CEP290: variants seen among roughly 807,000 people sequenced by gnomAD.
The protein encoded by CEP290 is centrosomal protein 290.
CEP290 carries 317 observed loss-of-function variants against 344.9 expected under a neutral mutation model. The ratio of observed to expected loss-of-function variants is 0.92; its 90% CI spans 0.84 to 1.01. CEP290 has a LOEUF of 1.01. CEP290 is among the 50% of genes least tolerant of loss of function. The probability of loss-of-function intolerance (pLI) is 0.00; values close to 1 mark genes in which losing one functional copy is unlikely to be tolerated. For missense variants in CEP290, 2,754 were observed against 2,761.4 expected (o/e 1.00, Z 0.06); for synonymous variants, 932 against 895.8 (o/e 1.04, Z -0.72).
At chr12:88,136,549 A>C (rs1051834862) in intron 6 of CEP290, 94 bp downstream of exon 6, 1 of 1,241,176 alleles carries the variant, frequency 8.1e-7, no homozygotes, top group East Asian at 2.3e-5. Context: ...TTTCAAATAT[A>C]ACATACAATA....
At chr12:88,054,911 G>A (rs988673649) in intron 50 of CEP290, among the ~76,000 whole-genome samples, 1 of 152,096 alleles carries the variant, frequency 6.6e-6, no homozygotes, top group Non-Finnish European at 1.5e-5. Flanking sequence ...AAGGAAACAA[G>A]TATAAGGACT....
chr12:88,071,218 C>A, intron 43 of CEP290, 76 bp downstream of exon 43: 1 of 1,163,940 alleles, frequency 8.6e-7, no homozygotes, highest in Non-Finnish European at 1.2e-6. Context: ...AGACAACACA[C>A]ATTTATTATT....
chr12:88,072,555 C>A (rs752909997), intron 41 of CEP290, among the ~76,000 whole-genome samples: 1 of 152,148 alleles, frequency 6.6e-6, no homozygotes, highest in Non-Finnish European at 1.5e-5. Flanking sequence ...CCTTCAGGAG[C>A]CTTTAAATGA....
chr12:88,055,471 G>C (rs2033922272), intron 50 of CEP290, 105 bp downstream of exon 50: 1 of 977,534 alleles, frequency 1.0e-6, no homozygotes, highest in South Asian at 2.5e-5. Flanking sequence ...TCAGTTAGAT[G>C]GGTCTTCTTA....
intron 49 of CEP290, among the ~76,000 whole-genome samples, chr12:88,056,057 T>G (rs1565786451): frequency 6.6e-6 from 1 of 152,094 alleles, no homozygotes; most frequent in Non-Finnish European, 1.5e-5. Context: ...TTACTAGATA[T>G]TCTTAGAAAT....
At chr12:88,103,169 A>C (rs2038027678) in intron 25 of CEP290, 158 bp from the exon 26 acceptor site, 1 of 417,832 alleles carries the variant, frequency 2.4e-6, no homozygotes, top group African/African-American at 2.1e-5. Context: ...GCATTAACAT[A>C]ATTTCTTTCA....
chr12:88,116,183 C>A (rs886380720), intron 18 of CEP290: 8 of 337,080 alleles, frequency 2.4e-5, no homozygotes, highest in African/African-American at 1.8e-4. Flanking sequence ...ACACCTTCTT[C>A]ATACAGTCAT....
At chr12:88,056,124 C>A (rs1024048323) in intron 49 of CEP290, among the ~76,000 whole-genome samples, 1 of 151,718 alleles carries the variant, frequency 6.6e-6, no homozygotes, top group Non-Finnish European at 1.5e-5. Flanking sequence ...TAGGAGGTAT[C>A]TAGGTAGGAA....
In CEP290 at chr12:88,064,013, C is replaced by T; in HGVS notation, c.6238G>A (p.Glu2080Lys). ...SENIELKFQL[E>K]QANKDLPRLK... ...CTTGGCAAATCTTTATTTGCTTGTT[C>T]AAGCTGAAATTTCAGTTCAATATTT... Residue 2080 changes from glutamate to lysine, a missense_variant, in exon 45 of 54, where the codon GAA (glutamate) becomes AAA (lysine). Glu to Lys is a moderately conservative substitution (Grantham distance 56). Transcript: ENST00000552810. 1.3e-6 allele frequency: 2 copies of T among 1,597,812 alleles called. No homozygotes were observed. Among genetic ancestry groups the T allele is most frequent in the Non-Finnish European group, 1.7e-6 (2 of 1,172,142 alleles).
intron 20 of CEP290, among the ~76,000 whole-genome samples, chr12:88,112,990 G>A (rs2038801222): frequency 6.6e-6 from 1 of 152,076 alleles, no homozygotes; most frequent in South Asian, 2.1e-4. Flanking sequence ...GTGAACTGAA[G>A]TGCATAATCC....
intron 27 of CEP290, among the ~76,000 whole-genome samples, chr12:88,096,294 T>C (rs1034106190): frequency 5.3e-5 from 8 of 152,052 alleles, no homozygotes; most frequent in African/African-American, 1.9e-4. Context: ...GGGGATCTGC[T>C]CTCCTCAGCC....
In CEP290 at chr12:88,126,442, G is replaced by A. The variant is rs199770158; in HGVS notation, c.943-4C>T. On this transcript the variant is annotated splice_region_variant and splice_polypyrimidine_tract_variant and intron_variant, in intron 11 of 53. Coordinates refer to ENST00000552810, the MANE Select transcript of CEP290 (RefSeq NM_025114.4). ...CATCTTTAGAAGACAAAATTAGCTA[G>A]AAATAAACACAATAGAATCTGTTAT... 2.9e-4 allele frequency: 429 copies of A among 1,480,450 alleles called. 1 individual carries two copies. The highest frequency in any genetic ancestry group is 3.4e-4 in the Non-Finnish European group (382 of 1,111,130). 91.7% of individuals were successfully genotyped at this position (1,480,450 alleles called of 1,614,324 possible).
At chr12:88,058,309 GAAGCTAGTAAAACATCA>G (rs2034181051) in intron 49 of CEP290, 1 of 152,932 alleles carries the variant, frequency 6.5e-6, no homozygotes, top group African/African-American at 2.4e-5. Flanking sequence ...CCAGAAAGCA[GAAGCTAGTAAAACATCA>G]AAGCTGGTGC....
intron 32 of CEP290, among the ~76,000 whole-genome samples, chr12:88,087,467 T>A (rs2036666909): frequency 6.6e-6 from 1 of 152,064 alleles, no homozygotes; most frequent in Admixed American, 6.5e-5. Context: ...ACGCCTGTAA[T>A]CCCAGCACTT....
intron 37 of CEP290, 62 bp from the exon 38 acceptor site, chr12:88,080,457 T>A: frequency 8.3e-7 from 1 of 1,211,192 alleles, no homozygotes; most frequent in Non-Finnish European, 1.2e-6. Context: ...TGAGACCCAG[T>A]CTCACTCTGT....
rs56149649 is a variant in CEP290, at chr12:88,128,918, A to G, written c.942+28T>C. 7.5e-3 allele frequency: 10,117 copies of G among 1,354,594 alleles called. 670 individuals are homozygous for G. In the African/African-American group the frequency reaches 0.14, roughly 19 times the overall value. The allele number at this position is 1,354,594 out of a possible 1,614,324, so 83.9% of individuals were successfully genotyped here. A position where few individuals can be genotyped will look rare whatever the true frequency, so the allele number is the denominator to read the frequency against. ...TTAAATCTAAAATACAAAAAGAAAA[A>G]GTTATTATGTCAATTGAAAAAAAAT... On this transcript the variant is annotated intron_variant, in intron 11 of 53. Coordinates refer to ENST00000552810, the MANE Select transcript of CEP290 (RefSeq NM_025114.4).
Position 88,102,989 on chromosome 12 carries a change from G to A in CEP290, c.2840C>T (p.Ala947Val). 1 of 1,557,028 alleles carries A rather than the reference G, an allele frequency of 6.4e-7. No individual in the cohort carries two copies. Among genetic ancestry groups the A allele is most frequent in the Non-Finnish European group, 8.6e-7 (1 of 1,158,844 alleles). The change falls in exon 26 of 54, where the codon GCA becomes GTA. Residue 947 changes from alanine (A) to valine (V), a missense_variant. Coordinates refer to ENST00000552810, the MANE Select transcript of CEP290 (RefSeq NM_025114.4). The part of the protein sequence containing the change: ...RFKEMAIFKI[A>V]ALQKVVDNSV... Reference sequence around the variant, plus strand: ...ATTATCTACAACTTTTTGGAGAGCTGCAATCTTGAAAATGGCCATTTCCTA... The same window carrying A: ...ATTATCTACAACTTTTTGGAGAGCTACAATCTTGAAAATGGCCATTTCCTA...
rs566302646 is a variant in CEP290, at chr12:88,059,597, C to T, written c.6645+301G>A. On this transcript the variant is annotated intron_variant, in intron 48 of 53. Transcript: ENST00000552810. ...TAATTTTTTGTATTTTTAGTAGAGA[C>T]GGGGTTTCACCGTGTTAGCCAGGAT... Among the ~76,000 whole-genome samples, 32 of 152,064 alleles carry T rather than the reference C, an allele frequency of 2.1e-4. 1 individual carries two copies. The highest frequency in any genetic ancestry group is 3.6e-4 in the African/African-American group (15 of 41,498).
intron 19 of CEP290, 108 bp downstream of exon 19, chr12:88,114,990 G>C: frequency 1.6e-6 from 1 of 622,796 alleles, no homozygotes; most frequent in South Asian, 1.9e-5. Context: ...GAGGTAATTA[G>C]GAGTAAAGCA....
Sources: allele counts gnomAD v4.1 joint callset (sites outside exome capture counted in the v4.1 genomes callset), GRCh38; gene constraint gnomAD v4.1.1; transcripts MANE v1.5; gene names NCBI Gene and HGNC (gene_info 2026-07-23, HGNC 2026-07-21).